The following SEC24A variants were observed in gnomAD, a reference collection of about 807,000 sequenced individuals.
The protein encoded by SEC24A is SEC24 homolog A, COPII component.
Under a neutral mutation model 129.4 loss-of-function variants are expected in SEC24A, and 93 were observed. The observed-to-expected ratio is 0.72, with a 90% CI of 0.61 to 0.85. SEC24A has a LOEUF of 0.85. Among genes scored for constraint, SEC24A ranks in the 40% least tolerant of loss-of-function variants. The probability of loss-of-function intolerance (pLI) is 0.00; values close to 1 mark genes in which losing one functional copy is unlikely to be tolerated. For missense variants in SEC24A, 1,264 were observed against 1,307.4 expected (o/e 0.97, Z 0.51); for synonymous variants, 460 against 467.3 (o/e 0.98, Z 0.20).
intron 18 of SEC24A, among the ~76,000 whole-genome samples, chr5:134,714,724 T>C (rs1421803155): frequency 6.6e-6 from 1 of 152,242 alleles, no homozygotes; most frequent in Non-Finnish European, 1.5e-5. Flanking sequence ...TACATCATTA[T>C]CACTATCATT....
chr5:134,686,624 T>C (rs540783055), intron 9 of SEC24A, among the ~76,000 whole-genome samples, 166 bp from the exon 10 acceptor site: 17 of 152,210 alleles, frequency 1.1e-4, no homozygotes, highest in Non-Finnish European at 2.1e-4. Flanking sequence ...CATTTTTCCT[T>C]TAAGTGTACA....
intron 10 of SEC24A, 27 bp from the exon 11 acceptor site, chr5:134,688,154 A>G (rs1204754319): frequency 7.8e-7 from 1 of 1,284,428 alleles, no homozygotes; most frequent in Non-Finnish European, 1.1e-6. Context: ...AAAACTTGAT[A>G]AAATACTCTT....
intron 18 of SEC24A, among the ~76,000 whole-genome samples, chr5:134,712,996 G>A (rs1256997990): frequency 3.0e-5 from 4 of 133,820 alleles, no homozygotes; most frequent in Non-Finnish European, 6.2e-5. Flanking sequence ...CAGTGGCGCA[G>A]TCTCGGCTCA....
intron 9 of SEC24A, among the ~76,000 whole-genome samples, chr5:134,683,851 T>C (rs538552662): frequency 3.3e-5 from 5 of 152,320 alleles, no homozygotes; most frequent in Admixed American, 6.5e-5. Context: ...TTTACAGATA[T>C]GAAAACAGAC....
intron 1 of SEC24A, among the ~76,000 whole-genome samples, chr5:134,655,522 G>A (rs1249044398): frequency 2.0e-5 from 3 of 151,882 alleles, no homozygotes; most frequent in African/African-American, 4.8e-5. Flanking sequence ...GGTGGCGTGC[G>A]CCTGTAATCC....
At chr5:134,713,177 C>T (rs1447051497) in intron 18 of SEC24A, among the ~76,000 whole-genome samples, 8 of 152,192 alleles carry the variant, frequency 5.3e-5, no homozygotes, top group Non-Finnish European at 7.4e-5. Flanking sequence ...GTGATCCACC[C>T]GCCTCGGCCT....
chr5:134,714,928 C>T, intron 18 of SEC24A, 96 bp from the exon 19 acceptor site: 1 of 1,264,160 alleles, frequency 7.9e-7, no homozygotes, highest in Non-Finnish European at 1.1e-6. Flanking sequence ...TGTGAATTCT[C>T]TCTGAAAATA....
At chr5:134,674,006 A>T (rs943541407) in intron 4 of SEC24A, among the ~76,000 whole-genome samples, 1 of 151,920 alleles carries the variant, frequency 6.6e-6, no homozygotes, top group Non-Finnish European at 1.5e-5. Flanking sequence ...GGTGGCACAC[A>T]CCTGTAGTCC....
chr5:134,694,396 A>C (rs2150098210), intron 13 of SEC24A, among the ~76,000 whole-genome samples: 1 of 152,236 alleles, frequency 6.6e-6, no homozygotes, highest in African/African-American at 2.4e-5. Context: ...GCGGTGGCTC[A>C]CGCTTGTAAT....
intron 2 of SEC24A, among the ~76,000 whole-genome samples, chr5:134,665,846 G>C (rs1046872546): frequency 6.6e-6 from 1 of 152,134 alleles, no homozygotes; most frequent in Non-Finnish European, 1.5e-5. Context: ...TCTAAACTTA[G>C]TTGATGTTAA....
chr5:134,713,911 G>A (rs539161748), intron 18 of SEC24A, among the ~76,000 whole-genome samples: 6 of 150,846 alleles, frequency 4.0e-5, no homozygotes, highest in Middle Eastern at 3.4e-3. Context: ...GTGTGGTGTC[G>A]CGCACCTGTA....
intron 15 of SEC24A, among the ~76,000 whole-genome samples, chr5:134,702,207 G>A (rs1356011142): frequency 1.3e-5 from 2 of 151,932 alleles, no homozygotes; most frequent in Non-Finnish European, 2.9e-5. Context: ...AAGAGACAGG[G>A]TCTCACTATG....
chr5:134,723,658 T>C lies in SEC24A; in HGVS notation c.3155T>C (p.Leu1052Pro). ...GAGCAGAGACCATTTTTCCCAATAC[T>C]TTATGTAATAAGGTAAGTTGAATTT... is the stretch of plus-strand genomic sequence containing the variant. ...LREQRPFFPI[L>P]YVIRDESPMK... Residue 1052 changes from leucine (L) to proline (P), a missense_variant, in exon 22 of 23, where the codon CTT (leucine) becomes CCT (proline). By Grantham distance (98) the Leu-to-Pro change is moderately conservative (BLOSUM62 -3). Transcript: ENST00000398844. The C allele has an allele frequency of 6.3e-7, 1 of 1,587,114 alleles. No individual in the cohort carries two copies. Among genetic ancestry groups the C allele is most frequent in the Non-Finnish European group, 8.7e-7 (1 of 1,155,942 alleles).
At chr5:134,706,181 C>T (rs1320950874) in intron 17 of SEC24A, among the ~76,000 whole-genome samples, 2 of 152,194 alleles carry the variant, frequency 1.3e-5, no homozygotes, top group African/African-American at 4.8e-5. Context: ...GCCACCGTGC[C>T]TGGCCAACTA....
intron 16 of SEC24A, 144 bp downstream of exon 16, chr5:134,704,076 A>G: frequency 2.6e-6 from 1 of 389,854 alleles, no homozygotes; most frequent in Non-Finnish European, 4.5e-6. Context: ...TTATTTATTT[A>G]TTTATTTATG....
chr5:134,684,447 T>G (rs1312604958), intron 9 of SEC24A, among the ~76,000 whole-genome samples: 1 of 151,944 alleles, frequency 6.6e-6, no homozygotes, highest in Non-Finnish European at 1.5e-5. Context: ...GTGCAGTGGC[T>G]CACACCCGTA....
In SEC24A at chr5:134,714,484, A is replaced by G. The variant is rs531669560; in HGVS notation, c.2728-540A>G. 2.6e-5 allele frequency among the ~76,000 whole-genome samples: 4 copies of G among 152,208 alleles called. No individual in the cohort carries two copies. In the South Asian group the frequency reaches 6.2e-4, roughly 24 times the overall value. On this transcript the variant is annotated intron_variant, in intron 18 of 22. Coordinates refer to ENST00000398844, the MANE Select transcript of SEC24A (RefSeq NM_021982.3). ...CGCATGCGAGAGATCTAGGTTGCATACTCTTTATGAGAATCTAATGTCTGA... is the reference window on the plus strand; with the variant it reads ...CGCATGCGAGAGATCTAGGTTGCATGCTCTTTATGAGAATCTAATGTCTGA...
intron 20 of SEC24A, among the ~76,000 whole-genome samples, chr5:134,720,695 G>T (rs1752604506): frequency 6.6e-6 from 1 of 152,094 alleles, no homozygotes; most frequent in Non-Finnish European, 1.5e-5. Context: ...TTGAGGTCAG[G>T]AGTTCAAGAC....
intron 21 of SEC24A, among the ~76,000 whole-genome samples, chr5:134,721,852 A>G (rs2150114930): frequency 6.6e-6 from 1 of 152,326 alleles, no homozygotes; most frequent in Middle Eastern, 3.4e-3. Context: ...CGCCTGGGCA[A>G]CAGAGCAAGA....
Sources: allele counts gnomAD v4.1 joint callset (sites outside exome capture counted in the v4.1 genomes callset), GRCh38; gene constraint gnomAD v4.1.1; transcripts MANE v1.5; gene names NCBI Gene and HGNC (gene_info 2026-07-23, HGNC 2026-07-21).